ZNF292: variants seen among roughly 807,000 people sequenced by gnomAD.
The protein encoded by ZNF292 is 16 zinc-finger domain protein.
In ZNF292, 26 loss-of-function variants were observed where a neutral mutation model predicts 217.9. That is an observed-to-expected ratio of 0.12 (90% CI 0.09 to 0.17). The LOEUF (loss-of-function observed/expected upper bound fraction) is 0.17. Ranked by LOEUF, ZNF292 falls within the 10% of genes least tolerant of loss-of-function variation. The probability of loss-of-function intolerance (pLI) is 1.00; values close to 1 mark genes in which losing one functional copy is unlikely to be tolerated. For missense variants in ZNF292, 2,904 were observed against 3,175.2 expected (o/e 0.91, Z 2.05); for synonymous variants, 1,257 against 1,124.1 (o/e 1.12, Z -2.37).
intron 5 of ZNF292, among the ~76,000 whole-genome samples, chr6:87,242,549 G>C (rs887441318): frequency 1.3e-5 from 2 of 152,126 alleles, no homozygotes; most frequent in Admixed American, 1.3e-4. Context: ...AATCAACTAG[G>C]AGAGGCATAG....
At chr6:87,188,188 G>T (rs1397468162) in intron 1 of ZNF292, among the ~76,000 whole-genome samples, 1 of 152,190 alleles carries the variant, frequency 6.6e-6, no homozygotes, top group Non-Finnish European at 1.5e-5. Flanking sequence ...CTGATAGTGA[G>T]TTTTGATTCT....
At chr6:87,246,368 AAAAC>A (rs1160122440) in intron 7 of ZNF292, among the ~76,000 whole-genome samples, 2 of 152,400 alleles carry the variant, frequency 1.3e-5, no homozygotes, top group African/African-American at 4.8e-5. Flanking sequence ...GTGATAAAAT[AAAAC>A]AAACATCTTT....
intron 4 of ZNF292, among the ~76,000 whole-genome samples, chr6:87,226,459 A>G (rs1351113895): frequency 6.6e-6 from 1 of 151,802 alleles, no homozygotes; most frequent in Non-Finnish European, 1.5e-5. Flanking sequence ...GCCCAGGTAA[A>G]TAGGGTGAGG....
At chr6:87,197,863 G>T (rs1282807507) in intron 1 of ZNF292, among the ~76,000 whole-genome samples, 8 of 151,848 alleles carry the variant, frequency 5.3e-5, no homozygotes, top group Non-Finnish European at 7.4e-5. Flanking sequence ...TTTGATTCTG[G>T]GTTATGAAGT....
At position 87,216,378 on chromosome 6, in the gene ZNF292, G is replaced by GTGAGT; in HGVS notation, c.402+5_402+6insTTGAG. 6.4e-7 allele frequency: 1 copy of GTGAGT among 1,570,466 alleles called. No individual in the cohort carries two copies. The highest frequency in any genetic ancestry group is 8.7e-7 in the Non-Finnish European group (1 of 1,154,632). On this transcript the variant is annotated splice_donor_variant, in intron 3 of 7. Transcript: ENST00000369577. LOFTEE classifies it high-confidence loss of function. ...GGAACAATTTCAGACACTGGTGCAG[G>GTGAGT]TGAGAATCTTTATCTTTAGATTTAA...
At chr6:87,175,792 G>A (rs1317490768) in intron 1 of ZNF292, among the ~76,000 whole-genome samples, 1 of 152,142 alleles carries the variant, frequency 6.6e-6, no homozygotes, top group Admixed American at 6.5e-5. Flanking sequence ...CTTTCATATT[G>A]AAATGAGAGT....
In ZNF292 at chr6:87,261,552, T is replaced by C. The variant is rs1397528874; in HGVS notation, c.7923T>C (p.His2641=). 2.5e-6 allele frequency: 4 copies of C among 1,610,006 alleles called. No individual in the cohort carries two copies. Among genetic ancestry groups the C allele is most frequent in the Admixed American group, 1.7e-5 (1 of 59,346 alleles). Residue 2641 remains histidine (H), a synonymous_variant, in exon 8 of 8, where the codon CAT becomes CAC. Coordinates refer to ENST00000369577, the MANE Select transcript of ZNF292 (RefSeq NM_015021.3). ...AGACTGCTGTGACTAGTGGAAATCA[T>C]GTATGTCCTTGTAAAGAAAGCGAAA... ...IDKTAVTSGN[H]VCPCKESETF... is the part of the protein sequence containing the mutation.
At position 87,257,603 on chromosome 6, in the gene ZNF292, A is replaced by G. The variant is rs763043218; in HGVS notation, c.3974A>G (p.Asn1325Ser). ...GENAVFPSQV[N>S]VANNFSSTNA... ...AATGCAGTTTTTCCTTCACAAGTGA[A>G]TGTTGCAAATAACTTCAGTAGCACC... Residue 1325 changes from asparagine (N) to serine (S), a missense_variant, in exon 8 of 8, where the codon AAT (asparagine) becomes AGT (serine). By Grantham distance (46) the Asn-to-Ser change is conservative. This residue lies in a region of ZNF292 where 687 missense variants were observed against 623.0 expected (regional missense o/e 1.10). Transcript: ENST00000369577. The G allele has an allele frequency of 6.2e-7, 1 of 1,607,302 alleles. No individual in the cohort carries two copies. The highest frequency in any genetic ancestry group is 8.5e-7 in the Non-Finnish European group (1 of 1,176,450).
At chr6:87,218,518 A>C (rs568627675) in intron 3 of ZNF292, 78 bp from the exon 4 acceptor site, 4 of 1,186,394 alleles carry the variant, frequency 3.4e-6, no homozygotes, top group African/African-American at 1.6e-5. Context: ...TCAGAAGTTT[A>C]GTGTTATATT....
chr6:87,191,912 T>G (rs976103216), intron 1 of ZNF292, among the ~76,000 whole-genome samples: 1 of 152,144 alleles, frequency 6.6e-6, no homozygotes, highest in African/African-American at 2.4e-5. Flanking sequence ...TCCACCCCCC[T>G]TGGCCTCCCA....
rs780340447 is a variant in ZNF292 at position 87,259,059 on chromosome 6, T to A, written c.5430T>A (p.Ser1810=). ...AAAATAACAAATTACCCGATTCTTC[T>A]CCGTTTTCCTCCTTTATAAGTGTCA... The part of the protein sequence containing the change: ...TVQNNKLPDS[S]PFSSFISVMP... The change falls in exon 8 of 8, where the codon TCT becomes TCA. Residue 1810 remains serine (S), a synonymous_variant. Transcript: ENST00000369577. 14 of 1,613,398 alleles carry A rather than the reference T, an allele frequency of 8.7e-6. No homozygotes were observed. Among genetic ancestry groups the A allele is most frequent in the Non-Finnish European group, 1.0e-5 (12 of 1,179,630 alleles).
At chr6:87,216,216 T>C in intron 2 of ZNF292, 83 bp from the exon 3 acceptor site, 1 of 1,363,166 alleles carries the variant, frequency 7.3e-7, no homozygotes, top group Non-Finnish European at 1.0e-6. Context: ...GGGAGTCTGC[T>C]TATGATACTA....
chr6:87,220,258 T>C (rs921128238), intron 4 of ZNF292, among the ~76,000 whole-genome samples: 2 of 152,300 alleles, frequency 1.3e-5, no homozygotes, highest in African/African-American at 2.4e-5. Context: ...CTTCTCAGCT[T>C]TTAGAAATAT....
chr6:87,159,121 A>G (rs1376691468), intron 1 of ZNF292, among the ~76,000 whole-genome samples: 1 of 152,224 alleles, frequency 6.6e-6, no homozygotes, highest in Non-Finnish European at 1.5e-5. Context: ...TATGATCCGT[A>G]GTTTATAGAT....
At chr6:87,181,910 C>T (rs1314682180) in intron 1 of ZNF292, among the ~76,000 whole-genome samples, 3 of 152,130 alleles carry the variant, frequency 2.0e-5, no homozygotes, top group African/African-American at 4.8e-5. Context: ...TCTCAAACTC[C>T]TGACCTCAGG....
chr6:87,172,211 T>C (rs140569174), intron 1 of ZNF292, among the ~76,000 whole-genome samples: 1,812 of 152,344 alleles, frequency 0.012, 21 homozygotes, highest in Middle Eastern at 0.058. Context: ...TTTTTCTCTT[T>C]AGAACAATTT....
rs375515653 is a variant in ZNF292, at chr6:87,194,673, T to C, written c.169-21230T>C. Among the ~76,000 whole-genome samples, 13 of 152,248 alleles carry C rather than the reference T, an allele frequency of 8.5e-5. No homozygotes were observed. The East Asian group carries it at 2.3e-3, about 27-fold the overall frequency. On this transcript the variant is annotated intron_variant, in intron 1 of 7. Transcript: ENST00000369577. The stretch of plus-strand genomic sequence containing the variant: ...ACAAGTTCTATTGTTAAAACTGTTA[T>C]AGGCCATAAATAAAAGCTTCCAAAT...
chr6:87,181,643 A>G (rs1367114590), intron 1 of ZNF292, among the ~76,000 whole-genome samples: 2 of 151,580 alleles, frequency 1.3e-5, no homozygotes, highest in Admixed American at 6.6e-5. Flanking sequence ...TCATGTGTAT[A>G]TGAAACTTTG....
intron 1 of ZNF292, among the ~76,000 whole-genome samples, chr6:87,164,802 G>A (rs896527812): frequency 1.5e-5 from 2 of 131,546 alleles, no homozygotes; most frequent in East Asian, 2.2e-4. Flanking sequence ...TTGCTCTGTC[G>A]CACAGGCTGG....
Sources: gnomAD v4.1 joint callset for allele counts (sites outside exome capture counted in the v4.1 genomes callset) on GRCh38, gnomAD v4.1.1 for gene constraint, gnomAD v4.1.1 regional missense constraint, MANE v1.5 for transcripts, NCBI Gene and HGNC (gene_info 2026-07-23, HGNC 2026-07-21) for gene names.